The following TTC28 variants were observed in gnomAD, a reference collection of about 807,000 sequenced individuals.
TTC28 encodes the protein tetratricopeptide repeat domain 28, also known as tetratricopeptide repeat protein 28.
Under a neutral mutation model 198.0 loss-of-function variants are expected in TTC28, and 61 were observed. That is an observed-to-expected ratio of 0.31 (90% CI 0.25 to 0.38). TTC28 has a LOEUF of 0.38. TTC28 is among the 10% of genes least tolerant of loss of function. The probability of loss-of-function intolerance (pLI) is 1.00; values close to 1 mark genes in which losing one functional copy is unlikely to be tolerated. For missense variants in TTC28, 2,678 were observed against 3,164.0 expected (o/e 0.85, Z 3.69); for synonymous variants, 1,171 against 1,297.8 (o/e 0.90, Z 2.10).
chr22:28,262,617 G>T (rs1393531297), intron 5 of TTC28, among the ~76,000 whole-genome samples: 3 of 152,032 alleles, frequency 2.0e-5, no homozygotes, highest in Non-Finnish European at 2.9e-5. Context: ...TGAGATTTCT[G>T]TCTTAAAATG....
intron 12 of TTC28, among the ~76,000 whole-genome samples, chr22:28,042,771 G>C (rs1939702823): frequency 6.6e-6 from 1 of 151,486 alleles, no homozygotes; most frequent in African/African-American, 2.4e-5. Context: ...GGATAGCAAA[G>C]AAAGGCTGGG....
At chr22:28,501,313 A>G (rs2048535602) in intron 2 of TTC28, among the ~76,000 whole-genome samples, 1 of 152,016 alleles carries the variant, frequency 6.6e-6, no homozygotes, top group African/African-American at 2.4e-5. Flanking sequence ...GCCTGTTATT[A>G]ATTATATGAA....
chr22:28,547,506 T>G (rs1004476630), intron 2 of TTC28, among the ~76,000 whole-genome samples: 2 of 152,168 alleles, frequency 1.3e-5, no homozygotes, highest in South Asian at 2.1e-4. Context: ...TTATAAAGTA[T>G]GCAAAACATT....
intron 2 of TTC28, among the ~76,000 whole-genome samples, chr22:28,567,497 T>TATATATATATAC (rs1418902826): frequency 1.6e-5 from 2 of 127,474 alleles, no homozygotes; most frequent in African/African-American, 5.7e-5. Context: ...TATATATATA[T>TATATATATATAC]ATATATATAT....
At chr22:28,339,197 A>G (rs147139394) in intron 2 of TTC28, among the ~76,000 whole-genome samples, 2,454 of 152,258 alleles carry the variant, frequency 0.016, 88 homozygotes, top group African/African-American at 0.057. Flanking sequence ...CGGATGCTGC[A>G]GAACAGCGGA....
At chr22:28,176,110 T>C (rs1048241379) in intron 5 of TTC28, among the ~76,000 whole-genome samples, 3 of 152,212 alleles carry the variant, frequency 2.0e-5, no homozygotes, top group Non-Finnish European at 4.4e-5. Flanking sequence ...TTACCTGCAT[T>C]CCCATGTTCA....
At chr22:28,283,356 C>A (rs1404247581) in intron 5 of TTC28, among the ~76,000 whole-genome samples, 1 of 151,612 alleles carries the variant, frequency 6.6e-6, no homozygotes, top group Non-Finnish European at 1.5e-5. Flanking sequence ...ACACCACAAG[C>A]CTTTGCATGG....
chr22:28,109,767 A>G (rs1214151117), intron 6 of TTC28, among the ~76,000 whole-genome samples: 1 of 152,232 alleles, frequency 6.6e-6, no homozygotes, highest in Admixed American at 6.5e-5. Flanking sequence ...GTATGCAAAC[A>G]GGTTTCTCCT....
intron 12 of TTC28, among the ~76,000 whole-genome samples, chr22:28,072,454 C>G (rs1038486717): frequency 6.6e-6 from 1 of 152,176 alleles, no homozygotes; most frequent in Non-Finnish European, 1.5e-5. Context: ...AATTGTCCAT[C>G]TGTATTATTG....
At chr22:28,054,199 T>C (rs1375908350) in intron 12 of TTC28, among the ~76,000 whole-genome samples, 1 of 152,146 alleles carries the variant, frequency 6.6e-6, no homozygotes, top group East Asian at 1.9e-4. Flanking sequence ...AATGATGAAA[T>C]GGACCAAAGG....
At chr22:28,237,644 A>G (rs992626864) in intron 5 of TTC28, among the ~76,000 whole-genome samples, 4 of 152,180 alleles carry the variant, frequency 2.6e-5, no homozygotes, top group Non-Finnish European at 4.4e-5. Context: ...TCTAAATAAA[A>G]TCTTCAAAAT....
chr22:28,634,598 T>C (rs958736521), intron 1 of TTC28, among the ~76,000 whole-genome samples: 8 of 151,768 alleles, frequency 5.3e-5, no homozygotes, highest in Admixed American at 1.3e-4. Flanking sequence ...TTTTCTTTTT[T>C]TTTTTGAGAT....
chr22:28,460,227 T>C (rs1169915050), intron 2 of TTC28, among the ~76,000 whole-genome samples: 1 of 152,156 alleles, frequency 6.6e-6, no homozygotes, highest in African/African-American at 2.4e-5. Flanking sequence ...TATCAGGATG[T>C]TTTGAGTCCA....
chr22:28,317,866 G>C (rs568500058), intron 2 of TTC28, among the ~76,000 whole-genome samples: 295 of 152,166 alleles, frequency 1.9e-3, no homozygotes, highest in Middle Eastern at 3.4e-3. Flanking sequence ...TCACAGAGAA[G>C]GGTCTCCTTC....
chr22:28,380,470 T>C (rs149169432), intron 2 of TTC28, among the ~76,000 whole-genome samples: 2 of 152,304 alleles, frequency 1.3e-5, no homozygotes, highest in East Asian at 1.9e-4. Flanking sequence ...AATTTAAGTG[T>C]ATAAAACATA....
intron 5 of TTC28, among the ~76,000 whole-genome samples, chr22:28,275,553 T>C (rs961913407): frequency 1.3e-5 from 2 of 152,178 alleles, no homozygotes; most frequent in African/African-American, 4.8e-5. Context: ...GAAAGACAGT[T>C]GCTGATACAA....
intron 2 of TTC28, among the ~76,000 whole-genome samples, chr22:28,615,185 A>G (rs1016407503): frequency 2.6e-5 from 4 of 152,248 alleles, no homozygotes; most frequent in African/African-American, 9.6e-5. Flanking sequence ...TGCAGCCAAC[A>G]GTTACATGAA....
intron 2 of TTC28, among the ~76,000 whole-genome samples, chr22:28,346,229 T>TA (rs1385453296): frequency 6.6e-6 from 1 of 152,244 alleles, no homozygotes; most frequent in Non-Finnish European, 1.5e-5. Context: ...CAGGTCTGTC[T>TA]AACTTCCTAC....
At chr22:28,388,519 C>A (rs538376244) in intron 2 of TTC28, among the ~76,000 whole-genome samples, 1 of 152,062 alleles carries the variant, frequency 6.6e-6, no homozygotes, top group Admixed American at 6.6e-5. Context: ...CTTTTATTTC[C>A]TTGAGCAGTG....
Sources: gnomAD v4.1 joint callset for allele counts (sites outside exome capture counted in the v4.1 genomes callset) on GRCh38, gnomAD v4.1.1 for gene constraint, MANE v1.5 for transcripts, NCBI Gene and HGNC (gene_info 2026-07-23, HGNC 2026-07-21) for gene names.